The following TCF3 variants were observed in gnomAD, a reference collection of about 807,000 sequenced individuals.
TCF3 encodes transcription factor E2-alpha.
In TCF3, 54 loss-of-function variants were observed where a neutral mutation model predicts 72.3. The observed-to-expected ratio is 0.75, with a 90% confidence interval of 0.60 to 0.94. The LOEUF is 0.94. TCF3 is among the 40% of genes least tolerant of loss of function. The pLI, the probability that TCF3 is intolerant of heterozygous loss-of-function variation, is 0.00. For synonymous variants in TCF3, 525 were observed against 412.6 expected (o/e 1.27, Z -3.30); for missense variants, 1,078 against 934.4 (o/e 1.15, Z -2.00).
Position 1,615,363 on chromosome 19 carries a change from TGTTGAGGTGCA to T in TCF3, c.1733_1743del (p.Leu578GlnfsTer120). ...AGCAGTTTGGTCTGGGGCTTCTCGC[TGTTGAGGTGCA>T]GTTGGCACATGCGCCCCAGCTCCTT... is the stretch of plus-strand genomic sequence containing the variant. On this transcript the variant is annotated frameshift_variant, in exon 18 of 19. Transcript: ENST00000262965. LOFTEE classifies it high-confidence loss of function. This position sits in a 1 kb window ranked among gnomAD's most constrained non-coding sequence, Gnocchi z 7.3. 1 of 1,613,896 alleles carries T rather than the reference TGTTGAGGTGCA, an allele frequency of 6.2e-7. No individual in the cohort carries two copies. The highest frequency in any genetic ancestry group is 8.5e-7 in the Non-Finnish European group (1 of 1,179,822).
intron 2 of TCF3, 26 bp downstream of exon 2, chr19:1,650,151 G>A (rs778898935): frequency 1.3e-6 from 2 of 1,553,940 alleles, no homozygotes; most frequent in African/African-American, 1.4e-5. Context: ...AGGGGTGTCG[G>A]GGGCTGGGCG....
chr19:1,614,731 T>G lies in TCF3; in HGVS notation c.1822+554A>C, dbSNP rs1388276303. Among the ~76,000 whole-genome samples, 1 of 151,734 alleles carries G rather than the reference T, an allele frequency of 6.6e-6. No homozygotes were observed. The highest frequency in any genetic ancestry group is 1.5e-5 in the Non-Finnish European group (1 of 67,922). On this transcript the variant is annotated intron_variant, in intron 18 of 18. Transcript: ENST00000262965. The surrounding 1 kb of genome is among the most constrained non-coding windows in gnomAD (Gnocchi z 5.6). ...CTCACATCTGCGGGTGGGGACAGGGTCTGTCTGTATCCTTCCTCCCCCTGG... is the reference window on the plus strand; with the variant it reads ...CTCACATCTGCGGGTGGGGACAGGGGCTGTCTGTATCCTTCCTCCCCCTGG...
intron 3 of TCF3, among the ~76,000 whole-genome samples, chr19:1,641,236 C>A (rs951342855): frequency 6.6e-6 from 1 of 151,760 alleles, no homozygotes; most frequent in East Asian, 1.9e-4. Flanking sequence ...TTGGCTGGAT[C>A]TCCAGGGAAT....
At chr19:1,619,897 G>A in intron 13 of TCF3, 44 bp from the exon 14 acceptor site, 1 of 1,492,454 alleles carries the variant, frequency 6.7e-7, no homozygotes, top group Non-Finnish European at 9.1e-7. Flanking sequence ...GGGGCGGGGT[G>A]TGAGCATGGC....
At position 1,647,483 on chromosome 19, in the gene TCF3, C is replaced by G. The variant is rs187376082; in HGVS notation, c.73-1056G>C. Among the ~76,000 whole-genome samples the G allele has an allele frequency of 1.7e-3, 262 of 152,314 alleles. 2 individuals are homozygous for G. Among genetic ancestry groups the G allele is most frequent in the African/African-American group, 5.8e-3 (240 of 41,562 alleles). On this transcript the variant is annotated intron_variant, in intron 2 of 18. Transcript: ENST00000262965. ...GGACCCAGGAAGCGGGGTTGTCCCC[C>G]ACTCCCTGGTCCTGCAGAAGGGGAA...
rs1302977681 is a variant in TCF3 at position 1,652,293 on chromosome 19, G to A, written c.-40+7C>T. ...CGGGCGCGCCCCCCGCCCCCCGCCG[G>A]GCTCACCTGCTGGGCGCGGCCGGGC... On this transcript the variant is annotated splice_region_variant and intron_variant, in intron 1 of 18. Transcript: ENST00000262965. The A allele has an allele frequency of 1.4e-5, 2 of 144,020 alleles. No homozygotes were observed. The highest frequency in any genetic ancestry group is 1.5e-5 in the Non-Finnish European group (1 of 64,888). 8.9% of individuals were successfully genotyped at this position (144,020 alleles called of 1,614,324 possible).
intron 2 of TCF3, among the ~76,000 whole-genome samples, chr19:1,649,487 G>A (rs1246060227): frequency 6.6e-6 from 1 of 152,166 alleles, no homozygotes; most frequent in Non-Finnish European, 1.5e-5. Flanking sequence ...ACAGCTCACT[G>A]CAGCCTCAAC....
At chr19:1,649,776 G>C (rs1027383647) in intron 2 of TCF3, among the ~76,000 whole-genome samples, 2 of 152,166 alleles carry the variant, frequency 1.3e-5, no homozygotes, top group African/African-American at 2.4e-5. Flanking sequence ...AACCAGACTG[G>C]AGTGCAGTGA....
chr19:1,650,373 A>T lies in TCF3; in HGVS notation c.-39-86T>A, dbSNP rs1205045172. On this transcript the variant is annotated intron_variant, in intron 1 of 18. Coordinates refer to ENST00000262965, the MANE Select transcript of TCF3 (RefSeq NM_003200.5). ...AGTGGTCAAAGCACAGAGTGCTAAA[A>T]GCCACCTAAAAAACCCTCAACCGCC... 1.0e-5 allele frequency: 11 copies of T among 1,071,930 alleles called. No homozygotes were observed. The Admixed American group carries it at 2.8e-4, about 27-fold the overall frequency. The allele number at this position is 1,071,930 out of a possible 1,614,324, so 66.4% of individuals were successfully genotyped here. A position where few individuals can be genotyped will look rare whatever the true frequency, so the allele number is the denominator to read the frequency against.
intron 5 of TCF3, among the ~76,000 whole-genome samples, chr19:1,631,038 C>T (rs991938138): frequency 1.3e-5 from 2 of 152,242 alleles, no homozygotes; most frequent in African/African-American, 4.8e-5. Context: ...TCGGTTCGTT[C>T]CCCTGCAGCA....
chr19:1,613,386 G>C (rs980728123), intron 18 of TCF3, among the ~76,000 whole-genome samples: 1 of 152,122 alleles, frequency 6.6e-6, no homozygotes. Context: ...ATGGGGCCCT[G>C]CTTCCCCGTC....
intron 3 of TCF3, among the ~76,000 whole-genome samples, chr19:1,634,596 T>C (rs740436): frequency 0.32 from 49,232 of 152,172 alleles, 9,170 homozygotes; most frequent in East Asian, 0.84. Flanking sequence ...AGCCAAGGAA[T>C]GCTCCAGGCT....
chr19:1,647,591 C>T lies in TCF3; in HGVS notation c.73-1164G>A, dbSNP rs145309864. Among the ~76,000 whole-genome samples the T allele has an allele frequency of 2.9e-3, 436 of 152,290 alleles. 4 individuals carry two copies. The highest frequency in any genetic ancestry group is 9.6e-3 in the African/African-American group (398 of 41,546). On this transcript the variant is annotated intron_variant, in intron 2 of 18. Transcript: ENST00000262965. Reference sequence around the variant, plus strand: ...TGGCACCCGCGCTGAAGGCAGTGTTCGCCCTGGACCACACCCCCTCCCGCA... The same window carrying T: ...TGGCACCCGCGCTGAAGGCAGTGTTTGCCCTGGACCACACCCCCTCCCGCA...
Position 1,614,488 on chromosome 19 carries a change from A to G in TCF3, c.1822+797T>C, listed in dbSNP as rs2061350512. On this transcript the variant is annotated intron_variant, in intron 18 of 18. Coordinates refer to ENST00000262965, the MANE Select transcript of TCF3 (RefSeq NM_003200.5). This position sits in a 1 kb window ranked among gnomAD's most constrained non-coding sequence, Gnocchi z 5.6. ...GGATGGAGGGGAGGGCGGAAGGCAG[A>G]CAGCAGAGAGGCGGGCTTGGGGGGC... Among the ~76,000 whole-genome samples the G allele has an allele frequency of 2.0e-5, 3 of 152,172 alleles. No individual in the cohort carries two copies. In the South Asian group the frequency reaches 6.2e-4, roughly 32 times the overall value.
At chr19:1,642,129 T>TACAC (rs10531649) in intron 3 of TCF3, among the ~76,000 whole-genome samples, 2,904 of 147,322 alleles carry the variant, frequency 0.02, 59 homozygotes, top group East Asian at 0.096. Flanking sequence ...TGCACAGAAC[T>TACAC]ACACACACAC....
In TCF3 at chr19:1,623,971, G is replaced by A; in HGVS notation, c.529C>T (p.Pro177Ser). The A allele has an allele frequency of 1.9e-6, 3 of 1,613,458 alleles. No homozygotes were observed. The highest frequency in any genetic ancestry group is 8.5e-7 in the Non-Finnish European group (1 of 1,179,962). Residue 177 changes from proline (P) to serine (S), a missense_variant, in exon 8 of 19, where the codon CCG (proline) becomes TCG (serine). By Grantham distance (74) the Pro-to-Ser change is moderately conservative (BLOSUM62 -1). Transcript: ENST00000262965. ...CTCACCGAGGATGGAAGACCCGGCG[G>A]GACCTTCCGGACCTTCTTGGGCTGC... ...DTQPKKVRKVPPGLPSSVYPP... is the reference protein window; with the variant it reads ...DTQPKKVRKVSPGLPSSVYPP...
intron 16 of TCF3, among the ~76,000 whole-genome samples, chr19:1,618,329 C>A (rs944394477): frequency 6.6e-6 from 1 of 152,010 alleles, no homozygotes; most frequent in Non-Finnish European, 1.5e-5. Flanking sequence ...GTGGCCTCTG[C>A]CTTGGTCTCC....
chr19:1,613,277 G>A (rs930143995), intron 18 of TCF3, among the ~76,000 whole-genome samples: 9 of 152,170 alleles, frequency 5.9e-5, no homozygotes, highest in African/African-American at 2.2e-4. Flanking sequence ...CTGCCCAGGT[G>A]CAAGTGCCCT....
At chr19:1,617,284 C>T (rs1025073897) in intron 16 of TCF3, among the ~76,000 whole-genome samples, 8 of 152,208 alleles carry the variant, frequency 5.3e-5, no homozygotes, top group African/African-American at 9.6e-5. Context: ...GCCCCACGCC[C>T]GGGCCAGGGC....
Sources: gnomAD v4.1 joint callset for allele counts (sites outside exome capture counted in the v4.1 genomes callset) on GRCh38, gnomAD v4.1.1 for gene constraint, Gnocchi (gnomAD v3.1) non-coding constraint, MANE v1.5 for transcripts, NCBI Gene and HGNC (gene_info 2026-07-23, HGNC 2026-07-21) for gene names.